The following NEGR1 variants were observed in gnomAD, a reference collection of about 807,000 sequenced individuals.
NEGR1 encodes the protein neuronal growth regulator 1, also known as IgLON family member 4.
In NEGR1, 10 loss-of-function variants were observed where a neutral mutation model predicts 40.9. The observed-to-expected ratio is 0.24, with a 90% CI of 0.15 to 0.42. NEGR1 has a LOEUF of 0.42. NEGR1 is among the 10% of genes least tolerant of loss of function. The pLI is 1.00. For synonymous variants in NEGR1, 185 were observed against 166.8 expected, an observed-to-expected ratio of 1.11 and a Z score of -0.84; for missense variants, 352 against 438.9, an observed-to-expected ratio of 0.80 and a Z score of 1.77.
intron 1 of NEGR1, among the ~76,000 whole-genome samples, chr1:71,996,607 G>A (rs888519744): frequency 1.3e-5 from 2 of 151,798 alleles, no homozygotes; most frequent in African/African-American, 2.4e-5. Context: ...AGCTCTCTTC[G>A]CTGTCAAGGC....
intron 6 of NEGR1, among the ~76,000 whole-genome samples, chr1:71,539,197 C>T (rs534414074): frequency 1.5e-4 from 23 of 151,860 alleles, no homozygotes; most frequent in Non-Finnish European, 3.2e-4. Context: ...GCATACAAAT[C>T]ACTTAGCAAA....
At chr1:71,665,249 C>G (rs1346706076) in intron 4 of NEGR1, among the ~76,000 whole-genome samples, 1 of 152,146 alleles carries the variant, frequency 6.6e-6, no homozygotes, top group Non-Finnish European at 1.5e-5. Context: ...TTCATCTTTG[C>G]TGTCTGGGGA....
At chr1:71,596,699 A>T (rs545240459) in intron 5 of NEGR1, among the ~76,000 whole-genome samples, 24 of 152,318 alleles carry the variant, frequency 1.6e-4, no homozygotes, top group African/African-American at 5.5e-4. Flanking sequence ...TCCAGTCTCA[A>T]TCCACATTTT....
intron 3 of NEGR1, among the ~76,000 whole-genome samples, chr1:71,769,852 T>C (rs1031262849): frequency 2.0e-5 from 3 of 152,230 alleles, no homozygotes; most frequent in Non-Finnish European, 2.9e-5. Context: ...TTATAAGTCA[T>C]AAACTCTGTC....
intron 6 of NEGR1, among the ~76,000 whole-genome samples, chr1:71,545,598 CT>C (rs1026610368): frequency 2.6e-5 from 4 of 151,428 alleles, no homozygotes; most frequent in East Asian, 3.9e-4. Context: ...AACTCTTTTC[CT>C]TTTTTTTAGC....
chr1:71,928,533 T>A (rs560704887), intron 2 of NEGR1, among the ~76,000 whole-genome samples: 1 of 139,790 alleles, frequency 7.2e-6, no homozygotes, highest in South Asian at 2.2e-4. Flanking sequence ...CACACATCTA[T>A]ACACATATAT....
intron 5 of NEGR1, among the ~76,000 whole-genome samples, chr1:71,595,286 A>C (rs1649658491): frequency 6.6e-6 from 1 of 152,190 alleles, no homozygotes; most frequent in African/African-American, 2.4e-5. Context: ...TAAAAAAGAA[A>C]ACTAAGTTCC....
chr1:71,938,553 A>G (rs1645931339), intron 1 of NEGR1, among the ~76,000 whole-genome samples: 1 of 151,218 alleles, frequency 6.6e-6, no homozygotes, highest in Admixed American at 6.7e-5. Flanking sequence ...TGACATGTGT[A>G]TGCTGTATTA....
At chr1:71,640,351 G>A (rs191054591) in intron 4 of NEGR1, among the ~76,000 whole-genome samples, 4 of 152,082 alleles carry the variant, frequency 2.6e-5, no homozygotes, top group Admixed American at 2.0e-4. Flanking sequence ...GAGCTCCCTC[G>A]AAACTGAAAC....
intron 6 of NEGR1, among the ~76,000 whole-genome samples, chr1:71,485,685 T>A (rs552799763): frequency 6.6e-6 from 1 of 151,830 alleles, no homozygotes; most frequent in Non-Finnish European, 1.5e-5. Flanking sequence ...AGGAATTACA[T>A]AGTAGGTAGC....
At chr1:72,150,792 C>T (rs1651098255) in intron 1 of NEGR1, among the ~76,000 whole-genome samples, 1 of 151,746 alleles carries the variant, frequency 6.6e-6, no homozygotes, top group Admixed American at 6.6e-5. Context: ...TTTACAAAGC[C>T]AAAAAATGGT....
rs548484804 is a variant in NEGR1 at position 71,768,132 on chromosome 1, A to T, written c.535+8040T>A. Among the ~76,000 whole-genome samples, 288 of 152,308 alleles carry T rather than the reference A, an allele frequency of 1.9e-3. 1 individual carries two copies. The highest frequency in any genetic ancestry group is 3.0e-3 in the Non-Finnish European group (201 of 68,034). On this transcript the variant is annotated intron_variant, in intron 3 of 6. Coordinates refer to ENST00000357731, the MANE Select transcript of NEGR1 (RefSeq NM_173808.3). ...GCAAATGTGGGGTCAGAGCCGCCAC[A>T]CAGAGTCCCCACTGGGGCATTACTT...
At chr1:71,581,687 C>T (rs1045054412) in intron 6 of NEGR1, among the ~76,000 whole-genome samples, 5 of 142,232 alleles carry the variant, frequency 3.5e-5, no homozygotes, top group Non-Finnish European at 6.0e-5. Flanking sequence ...TTGTAAGTCT[C>T]ATTATACACA....
intron 1 of NEGR1, among the ~76,000 whole-genome samples, chr1:72,044,852 C>T (rs552450059): frequency 9.2e-5 from 14 of 151,784 alleles, no homozygotes; most frequent in Admixed American, 6.6e-4. Flanking sequence ...ACTTACTTAC[C>T]TCTGGGTTTT....
At chr1:71,778,558 A>C (rs1570334537) in intron 2 of NEGR1, among the ~76,000 whole-genome samples, 1 of 152,310 alleles carries the variant, frequency 6.6e-6, no homozygotes, top group Non-Finnish European at 1.5e-5. Flanking sequence ...ATCTGTATTC[A>C]TAAACATACA....
chr1:71,958,937 G>C (rs1317964162), intron 1 of NEGR1, among the ~76,000 whole-genome samples: 1 of 140,902 alleles, frequency 7.1e-6, no homozygotes, highest in Non-Finnish European at 1.5e-5. Context: ...CCTGGGCAAG[G>C]CTCCATCTCA....
chr1:71,922,121 C>T (rs1295019088), intron 2 of NEGR1, among the ~76,000 whole-genome samples: 1 of 152,108 alleles, frequency 6.6e-6, no homozygotes, highest in Non-Finnish European at 1.5e-5. Flanking sequence ...GCAGCTAGGC[C>T]CATGACATGG....
chr1:72,095,643 A>T (rs899798678), intron 1 of NEGR1, among the ~76,000 whole-genome samples: 6 of 151,824 alleles, frequency 4.0e-5, no homozygotes, highest in African/African-American at 1.5e-4. Context: ...CTACATATAC[A>T]TATATATATT....
chr1:72,080,861 G>C (rs1647967527), intron 1 of NEGR1, among the ~76,000 whole-genome samples: 1 of 152,048 alleles, frequency 6.6e-6, no homozygotes, highest in Non-Finnish European at 1.5e-5. Context: ...ACGAAGAAAA[G>C]CTTCCTAAAA....
Sources: allele counts gnomAD v4.1 joint callset (sites outside exome capture counted in the v4.1 genomes callset), GRCh38; gene constraint gnomAD v4.1.1; transcripts MANE v1.5; gene names NCBI Gene and HGNC (gene_info 2026-07-23, HGNC 2026-07-21).